The following KCNAB1 variants were observed in gnomAD, a reference collection of about 807,000 sequenced individuals.
The protein encoded by KCNAB1 is voltage-gated potassium channel subunit beta-1.
KCNAB1 carries 35 observed loss-of-function variants against 64.6 expected under a neutral mutation model. The observed-to-expected ratio is 0.54, with a 90% CI of 0.41 to 0.72. The LOEUF (loss-of-function observed/expected upper bound fraction) is 0.72. Ranked by LOEUF, KCNAB1 falls within the 30% of genes least tolerant of loss-of-function variation. The pLI is 0.00. For missense variants in KCNAB1, 401 were observed against 512.9 expected (o/e 0.78, Z 2.11); for synonymous variants, 177 against 183.8 (o/e 0.96, Z 0.30).
intron 1 of KCNAB1, among the ~76,000 whole-genome samples, chr3:156,260,689 C>T (rs1718379094): frequency 6.6e-6 from 1 of 151,992 alleles, no homozygotes; most frequent in Non-Finnish European, 1.5e-5. Context: ...GGATAATTTC[C>T]TGGTTTGGTT....
intron 2 of KCNAB1, among the ~76,000 whole-genome samples, chr3:156,435,979 G>C (rs4679773): frequency 0.55 from 83,420 of 151,924 alleles, 23,012 homozygotes; most frequent in Admixed American, 0.61. Context: ...ATAGGTACAT[G>C]CCTGTCCTGG....
intron 1 of KCNAB1, among the ~76,000 whole-genome samples, chr3:156,194,926 T>C (rs114778943): frequency 0.01 from 1,567 of 152,154 alleles, 26 homozygotes; most frequent in African/African-American, 0.036. Flanking sequence ...CCTAATGCTC[T>C]CCCTCTCCTT....
chr3:156,389,404 C>G (rs1712854587), intron 1 of KCNAB1, among the ~76,000 whole-genome samples: 1 of 152,230 alleles, frequency 6.6e-6, no homozygotes, highest in African/African-American at 2.4e-5. Context: ...ATTAGAGGAA[C>G]AAGCAAGTCT....
intron 2 of KCNAB1, among the ~76,000 whole-genome samples, chr3:156,437,823 A>G (rs1716691104): frequency 6.6e-6 from 1 of 152,294 alleles, no homozygotes; most frequent in African/African-American, 2.4e-5. Context: ...TTTTGGGGTC[A>G]AGGCCACCTT....
intron 8 of KCNAB1, among the ~76,000 whole-genome samples, chr3:156,507,050 C>A (rs1317042589): frequency 2.6e-5 from 4 of 152,146 alleles, no homozygotes; most frequent in South Asian, 2.1e-4. Flanking sequence ...TGTTAGTTTT[C>A]TCTCCCCAAA....
At chr3:156,167,022 G>T (rs899692764) in intron 1 of KCNAB1, among the ~76,000 whole-genome samples, 5 of 152,160 alleles carry the variant, frequency 3.3e-5, no homozygotes, top group African/African-American at 9.7e-5. Flanking sequence ...GACCAGTGCT[G>T]CTCTAGAAGT....
chr3:156,165,668 C>G (rs1711528213), intron 1 of KCNAB1, among the ~76,000 whole-genome samples: 1 of 152,174 alleles, frequency 6.6e-6, no homozygotes, highest in South Asian at 2.1e-4. Context: ...TTACATTTGC[C>G]TTTCTCTTCT....
chr3:156,283,352 C>T (rs1719866317), intron 1 of KCNAB1, among the ~76,000 whole-genome samples: 1 of 151,212 alleles, frequency 6.6e-6, no homozygotes, highest in Non-Finnish European at 1.5e-5. Flanking sequence ...GTCTGATGGG[C>T]TTCCCTTTGA....
At chr3:156,367,467 C>T (rs1002285438) in intron 1 of KCNAB1, among the ~76,000 whole-genome samples, 1 of 152,140 alleles carries the variant, frequency 6.6e-6, no homozygotes, top group African/African-American at 2.4e-5. Context: ...AGGCTTGAGC[C>T]ACTGTTCCCG....
Position 156,298,275 on chromosome 3 carries a change from T to C in KCNAB1, c.276-123341T>C, listed in dbSNP as rs1399575774. On this transcript the variant is annotated intron_variant, in intron 1 of 13. Transcript: ENST00000490337. ...AGTGTGTGTGGGGGCTGTGGGGCTG[T>C]GTATGTGTGTGTGTGCATGCATGCA... Among the ~76,000 whole-genome samples, 4 of 152,112 alleles carry C rather than the reference T, an allele frequency of 2.6e-5. No individual in the cohort carries two copies. In the East Asian group the frequency reaches 7.7e-4, roughly 29 times the overall value.
At chr3:156,306,355 C>T (rs1721490922) in intron 1 of KCNAB1, among the ~76,000 whole-genome samples, 1 of 152,130 alleles carries the variant, frequency 6.6e-6, no homozygotes, top group African/African-American at 2.4e-5. Context: ...GTCCATTCAC[C>T]AGGACCTGCA....
intron 1 of KCNAB1, among the ~76,000 whole-genome samples, chr3:156,200,427 C>T (rs1202049998): frequency 6.6e-6 from 1 of 152,192 alleles, no homozygotes; most frequent in African/African-American, 2.4e-5. Context: ...CCATAGGCAC[C>T]CCTTCCTTTA....
At chr3:156,273,215 C>T (rs1560168546) in intron 1 of KCNAB1, among the ~76,000 whole-genome samples, 1 of 152,078 alleles carries the variant, frequency 6.6e-6, no homozygotes, top group Non-Finnish European at 1.5e-5. Context: ...CCCTTAGCTG[C>T]TCTGGCAGAT....
intron 1 of KCNAB1, among the ~76,000 whole-genome samples, chr3:156,392,682 T>G (rs1713134691): frequency 6.6e-6 from 1 of 152,218 alleles, no homozygotes; most frequent in South Asian, 2.1e-4. Flanking sequence ...TACCAAGATG[T>G]TTTTTGTGAT....
In KCNAB1 at chr3:156,159,691, CACTA is replaced by C. The variant is rs938122444; in HGVS notation, c.275+38811_275+38814del. Among the ~76,000 whole-genome samples, 3 of 152,256 alleles carry C rather than the reference CACTA, an allele frequency of 2.0e-5. No homozygotes were observed. In the East Asian group the frequency reaches 5.8e-4, roughly 29 times the overall value. On this transcript the variant is annotated intron_variant, in intron 1 of 13. Coordinates refer to ENST00000490337, the MANE Select transcript of KCNAB1 (RefSeq NM_172160.3). The stretch of plus-strand genomic sequence containing the variant: ...AGGAATAATTTTGCATACCCCATCC[CACTA>C]ACTAATTTTACAAGTAAGTTTTCTG...
intron 2 of KCNAB1, among the ~76,000 whole-genome samples, chr3:156,438,666 C>G (rs1716759128): frequency 6.6e-6 from 1 of 152,140 alleles, no homozygotes. Flanking sequence ...TACTATTTGT[C>G]TAGTACTATT....
At chr3:156,413,633 GC>G (rs1407271290) in intron 1 of KCNAB1, among the ~76,000 whole-genome samples, 1 of 152,180 alleles carries the variant, frequency 6.6e-6, no homozygotes, top group Non-Finnish European at 1.5e-5. Flanking sequence ...TTTCACCACT[GC>G]ACTCAACTGC....
chr3:156,281,950 TG>T (rs1354636355), intron 1 of KCNAB1, among the ~76,000 whole-genome samples: 1 of 150,044 alleles, frequency 6.7e-6, no homozygotes, highest in Non-Finnish European at 1.5e-5. Context: ...AAGGGTTTTT[TG>T]TGTCTCTATT....
At chr3:156,428,386 A>T (rs966734673) in intron 2 of KCNAB1, among the ~76,000 whole-genome samples, 1 of 152,036 alleles carries the variant, frequency 6.6e-6, no homozygotes, top group African/African-American at 2.4e-5. Flanking sequence ...TTCGGAGTAG[A>T]ACTATACCAT....
Sources: gnomAD v4.1 joint callset for allele counts (sites outside exome capture counted in the v4.1 genomes callset) on GRCh38, gnomAD v4.1.1 for gene constraint, MANE v1.5 for transcripts, NCBI Gene and HGNC (gene_info 2026-07-23, HGNC 2026-07-21) for gene names.